The following KIFC1 variants were observed in gnomAD, a reference collection of about 807,000 sequenced individuals.
KIFC1 encodes kinesin family member C1.
A neutral mutation model predicts 66.6 loss-of-function variants in KIFC1; 37 were observed. The observed-to-expected ratio is 0.56, with a 90% CI of 0.43 to 0.73. The LOEUF is 0.73. Ranked by LOEUF, KIFC1 falls within the 30% of genes least tolerant of loss-of-function variation. The pLI is 0.00. For missense variants in KIFC1, 721 were observed against 859.8 expected, an observed-to-expected ratio of 0.84 and a Z score of 2.02; for synonymous variants, 325 against 343.5, an observed-to-expected ratio of 0.95 and a Z score of 0.60.
intron 3 of KIFC1, among the ~76,000 whole-genome samples, chr6:33,399,216 C>T (rs988524155): frequency 2.6e-5 from 4 of 152,230 alleles, no homozygotes; most frequent in South Asian, 2.1e-4. Context: ...GGTTGAAACC[C>T]TGTCTCTACT....
chr6:33,402,623 A>G (rs572705735), intron 3 of KIFC1, among the ~76,000 whole-genome samples: 30 of 151,292 alleles, frequency 2.0e-4, no homozygotes, highest in African/African-American at 7.0e-4. Flanking sequence ...CCAGCTACTC[A>G]GGAGGCTGAG....
chr6:33,393,404 A>G (rs1394441310), intron 1 of KIFC1, among the ~76,000 whole-genome samples: 10 of 148,550 alleles, frequency 6.7e-5, no homozygotes, highest in African/African-American at 2.5e-4. Flanking sequence ...TGTTGGGTCC[A>G]CCAGATTTTC....
In KIFC1 at chr6:33,409,682, A is replaced by C. The variant is rs747030972; in HGVS notation, c.2014A>C (p.Arg672=). 6.2e-7 allele frequency: 1 copy of C among 1,603,760 alleles called. No homozygotes were observed. ...TGTTATTGGTACTGCTCAGGCCAAC[A>C]GGAAGTGAAGACGGATCCAGATCTG... ...QCVIGTAQAN[R]K Residue 672 remains arginine (R), a synonymous_variant, in exon 11 of 11, where the codon AGG becomes CGG. Coordinates refer to ENST00000428849, the MANE Select transcript of KIFC1 (RefSeq NM_002263.4).
chr6:33,403,844 T>C lies in KIFC1; in HGVS notation c.471T>C (p.Thr157=). 1 of 1,614,224 alleles carries C rather than the reference T, an allele frequency of 6.2e-7. No homozygotes were observed. The highest frequency in any genetic ancestry group is 8.5e-7 in the Non-Finnish European group (1 of 1,180,048). The change falls in exon 6 of 11, where the codon ACT becomes ACC. Residue 157 remains threonine (T), a synonymous_variant. Coordinates refer to ENST00000428849, the MANE Select transcript of KIFC1 (RefSeq NM_002263.4). The surrounding 1 kb of genome is among the most constrained non-coding windows in gnomAD (Gnocchi z 4.6). ...AACTAAAACGGTGCCGTGAGAGGAC[T>C]CAAACGTTGGACCAAGAGAACCAGC... ...NAELKRCRER[T]QTLDQENQQL... is the part of the protein sequence containing the mutation.
At position 33,401,196 on chromosome 6, in the gene KIFC1, G is replaced by C. The variant is rs546189262; in HGVS notation, c.251-2118G>C. Among the ~76,000 whole-genome samples the C allele has an allele frequency of 6.6e-6, 1 of 151,726 alleles. No individual in the cohort carries two copies. The highest frequency in any genetic ancestry group is 6.6e-5 in the Admixed American group (1 of 15,218). On this transcript the variant is annotated intron_variant, in intron 3 of 10. Coordinates refer to ENST00000428849, the MANE Select transcript of KIFC1 (RefSeq NM_002263.4). This position sits in a 1 kb window ranked among gnomAD's most constrained non-coding sequence, Gnocchi z 4.5. ...TTCGCCCAGGCTGGAGTGCAATGGC[G>C]TGATCTCGGCTCAGTGTAACCTCCG...
chr6:33,392,103 C>A, intron 1 of KIFC1, 106 bp downstream of exon 1: 1 of 1,306,782 alleles, frequency 7.7e-7, no homozygotes, highest in Non-Finnish European at 1.1e-6. Flanking sequence ...TCATGTCTAC[C>A]GGGAGAGCGA....
Position 33,406,758 on chromosome 6 carries a change from C to T in KIFC1, c.1902-42C>T. On this transcript the variant is annotated intron_variant, in intron 9 of 10. Coordinates refer to ENST00000428849, the MANE Select transcript of KIFC1 (RefSeq NM_002263.4). The surrounding 1 kb of genome is among the most constrained non-coding windows in gnomAD (Gnocchi z 4.5). ...ACAGTGGAGACCTGTCCAGGCTCTG[C>T]TGGCCCCTAATGCTGGGGTTGGGCA... 3 of 1,612,414 alleles carry T rather than the reference C, an allele frequency of 1.9e-6. No individual in the cohort carries two copies. The highest frequency in any genetic ancestry group is 1.1e-5 in the South Asian group (1 of 91,034).
chr6:33,398,027 A>G lies in KIFC1; in HGVS notation c.13-2A>G. ...TGTCTTAAGGGTCTCTTTTCCCAAC[A>G]GAGGTCCCCCCTATTGGAAGTAAAG... On this transcript the variant is annotated splice_acceptor_variant, in intron 1 of 10. Coordinates refer to ENST00000428849, the MANE Select transcript of KIFC1 (RefSeq NM_002263.4). LOFTEE classifies it high-confidence loss of function. 6.2e-7 allele frequency: 1 copy of G among 1,614,058 alleles called. No individual in the cohort carries two copies. The highest frequency in any genetic ancestry group is 8.5e-7 in the Non-Finnish European group (1 of 1,180,004).
chr6:33,402,185 T>C (rs549251685), intron 3 of KIFC1, among the ~76,000 whole-genome samples: 7 of 152,230 alleles, frequency 4.6e-5, no homozygotes, highest in Non-Finnish European at 1.0e-4. Flanking sequence ...GTTATACTTT[T>C]ATACAACTGG....
chr6:33,403,982 AC>A lies in KIFC1; in HGVS notation c.610del (p.Gln204ArgfsTer3). On this transcript the variant is annotated frameshift_variant, in exon 6 of 11. Coordinates refer to ENST00000428849, the MANE Select transcript of KIFC1 (RefSeq NM_002263.4). LOFTEE classifies it high-confidence loss of function. The surrounding 1 kb of genome is among the most constrained non-coding windows in gnomAD (Gnocchi z 4.6). Reference sequence around the variant, plus strand: ...TACAGGCCCAGGCTGAGCAGGGCCAACAGGAGCTGAAGAACTTGCGTGCTTG... The same window carrying A: ...TACAGGCCCAGGCTGAGCAGGGCCAAAGGAGCTGAAGAACTTGCGTGCTTG... ...KVQAQAEQGQQELKNLRACVL... is the reference protein window; with the variant it reads ...KVQAQAEQGQXELKNLRACVL... 5 of 1,614,252 alleles carry A rather than the reference AC, an allele frequency of 3.1e-6. No individual in the cohort carries two copies. Among genetic ancestry groups the A allele is most frequent in the Non-Finnish European group, 4.2e-6 (5 of 1,180,044 alleles).
In KIFC1 at chr6:33,406,317, G is replaced by A. The variant is rs1315007008; in HGVS notation, c.1658G>A (p.Arg553Gln). Reference protein sequence around the residue: ...QLQISGEHSSRGLQCGAPLSL... With the variant: ...QLQISGEHSSQGLQCGAPLSL... ...CAGATTTCTGGGGAGCACTCCAGCC[G>A]AGGCCTGCAGTGTGGGGCCCCCCTC... Residue 553 changes from arginine (R) to glutamine (Q), a missense_variant, in exon 8 of 11, where the codon CGA (arginine) becomes CAA (glutamine). By Grantham distance (43) the Arg-to-Gln change is conservative. Transcript: ENST00000428849. The surrounding 1 kb of genome is among the most constrained non-coding windows in gnomAD (Gnocchi z 4.5). The A allele has an allele frequency of 5.0e-6, 8 of 1,614,196 alleles. No individual in the cohort carries two copies. Among genetic ancestry groups the A allele is most frequent in the African/African-American group, 2.7e-5 (2 of 75,044 alleles).
rs1377327093 is a variant in KIFC1 at position 33,391,981 on chromosome 6, T to G, written c.-5T>G. 6.2e-7 allele frequency: 1 copy of G among 1,613,848 alleles called. No homozygotes were observed. Among genetic ancestry groups the G allele is most frequent in the African/African-American group, 1.3e-5 (1 of 75,012 alleles). On this transcript the variant is annotated 5_prime_UTR_variant, in exon 1 of 11. Coordinates refer to ENST00000428849, the MANE Select transcript of KIFC1 (RefSeq NM_002263.4). ...TCCCCCGGCGCGTGTGGGACCGAGG[T>G]GGACATGGATCCGCAGGTGAGTAGG...
intron 1 of KIFC1, among the ~76,000 whole-genome samples, chr6:33,395,119 G>A (rs1301933691): frequency 2.0e-5 from 3 of 152,168 alleles, no homozygotes; most frequent in African/African-American, 7.2e-5. Flanking sequence ...TAGCAATTTC[G>A]ATGGAATGGT....
At chr6:33,394,741 C>CA (rs1774953535) in intron 1 of KIFC1, among the ~76,000 whole-genome samples, 2 of 152,240 alleles carry the variant, frequency 1.3e-5, no homozygotes, top group African/African-American at 4.8e-5. Flanking sequence ...CTCGGCCTCC[C>CA]AAAGTGCTGG....
At chr6:33,396,597 C>T (rs1242980981) in intron 1 of KIFC1, among the ~76,000 whole-genome samples, 1 of 151,866 alleles carries the variant, frequency 6.6e-6, no homozygotes, top group Non-Finnish European at 1.5e-5. Context: ...CAAATGTCAT[C>T]TGGTTCGCTA....
rs767729115 is a variant in KIFC1, at chr6:33,391,980, G to A, written c.-6G>A. 3.7e-6 allele frequency: 6 copies of A among 1,613,888 alleles called. No homozygotes were observed. Among genetic ancestry groups the A allele is most frequent in the Non-Finnish European group, 5.1e-6 (6 of 1,179,964 alleles). The stretch of plus-strand genomic sequence containing the variant: ...TTCCCCCGGCGCGTGTGGGACCGAG[G>A]TGGACATGGATCCGCAGGTGAGTAG... On this transcript the variant is annotated 5_prime_UTR_variant, in exon 1 of 11. It adds an upstream start codon to the 5' untranslated region. Transcript: ENST00000428849.
At position 33,409,741 on chromosome 6, in the gene KIFC1, G is replaced by C. The variant is rs781617995; in HGVS notation, c.*51G>C. ...TGTGTGTGTGTGTGTGTGTGTGTGT[G>C]TGTGTGTGTGTGTCCCTATGTCTAT... On this transcript the variant is annotated 3_prime_UTR_variant, in exon 11 of 11. Coordinates refer to ENST00000428849, the MANE Select transcript of KIFC1 (RefSeq NM_002263.4). The C allele has an allele frequency of 1.5e-6, 2 of 1,325,694 alleles. No homozygotes were observed. Among genetic ancestry groups the C allele is most frequent in the Non-Finnish European group, 1.1e-6 (1 of 947,360 alleles). The allele number at this position is 1,325,694 out of a possible 1,614,324, so 82.1% of individuals were successfully genotyped here. A position where few individuals can be genotyped will look rare whatever the true frequency, so the allele number is the denominator to read the frequency against.
In KIFC1 at chr6:33,406,964, G is replaced by A; in HGVS notation, c.1977+89G>A. ...TCCCTTTTGTCTTCTAGGGCAGGGAGCACATTTGTGCAGAAAGGTTTTGCA... is the reference window on the plus strand; with the variant it reads ...TCCCTTTTGTCTTCTAGGGCAGGGAACACATTTGTGCAGAAAGGTTTTGCA... On this transcript the variant is annotated intron_variant, in intron 10 of 10. Coordinates refer to ENST00000428849, the MANE Select transcript of KIFC1 (RefSeq NM_002263.4). The surrounding 1 kb of genome is among the most constrained non-coding windows in gnomAD (Gnocchi z 4.5). The A allele has an allele frequency of 6.4e-7, 1 of 1,558,866 alleles. No homozygotes were observed. Among genetic ancestry groups the A allele is most frequent in the Non-Finnish European group, 8.7e-7 (1 of 1,150,598 alleles).
chr6:33,398,261 A>G (rs754635673), intron 2 of KIFC1, 27 bp from the exon 3 acceptor site: 16 of 1,613,720 alleles, frequency 9.9e-6, no homozygotes, highest in Non-Finnish European at 3.4e-6. Context: ...GAGGGTGACT[A>G]TGGACCTTGT....
Sources: gnomAD v4.1 joint callset for allele counts (sites outside exome capture counted in the v4.1 genomes callset) on GRCh38, gnomAD v4.1.1 for gene constraint, Gnocchi (gnomAD v3.1) non-coding constraint, MANE v1.5 for transcripts, NCBI Gene and HGNC (gene_info 2026-07-23, HGNC 2026-07-21) for gene names.